PTCH1: variants seen among roughly 807,000 people sequenced by gnomAD.
PTCH1 encodes patched 1, also known as protein patched homolog 1.
Under a neutral mutation model 144.6 loss-of-function variants are expected in PTCH1, and 14 were observed. The observed-to-expected ratio is 0.10, with a 90% CI of 0.06 to 0.15. The LOEUF is 0.15. Among genes scored for constraint, PTCH1 ranks in the 10% least tolerant of loss-of-function variants. The probability of loss-of-function intolerance (pLI) is 1.00; values close to 1 mark genes in which losing one functional copy is unlikely to be tolerated. For synonymous variants in PTCH1, 833 were observed against 793.6 expected, an observed-to-expected ratio of 1.05 and a Z score of -0.83; for missense variants, 1,623 against 1,948.3, an observed-to-expected ratio of 0.83 and a Z score of 3.14.
intron 23 of PTCH1, 55 bp downstream of exon 23, chr9:95,446,856 T>C (rs1837941835): frequency 1.2e-6 from 2 of 1,609,800 alleles, no homozygotes; most frequent in Non-Finnish European, 1.7e-6. Flanking sequence ...GAGAACCTTG[T>C]CCTCCTCTTT....
intron 2 of PTCH1, among the ~76,000 whole-genome samples, chr9:95,489,781 C>T (rs1157966880): frequency 2.0e-5 from 3 of 150,396 alleles, no homozygotes; most frequent in Non-Finnish European, 4.4e-5. Flanking sequence ...GCCATTTTTG[C>T]TGTGTGGTAG....
intron 7 of PTCH1, 24 bp from the exon 8 acceptor site, chr9:95,479,171 C>T (rs572788814): frequency 6.2e-7 from 1 of 1,614,048 alleles, no homozygotes; most frequent in East Asian, 2.2e-5. Flanking sequence ...CAAGGGAAGG[C>T]ACATCATCAG....
At chr9:95,465,116 A>G (rs1443243321) in intron 15 of PTCH1, among the ~76,000 whole-genome samples, 4 of 152,128 alleles carry the variant, frequency 2.6e-5, no homozygotes, top group Non-Finnish European at 5.9e-5. Flanking sequence ...GCTGATTTAC[A>G]TCTATAAAGG....
At chr9:95,507,493 T>G (rs1843777853) in intron 1 of PTCH1, 7 of 959,704 alleles carry the variant, frequency 7.3e-6, no homozygotes, top group Non-Finnish European at 7.4e-6. Context: ...ACCGCGAATT[T>G]AAGGTGGCAA....
At position 95,480,011 on chromosome 9, in the gene PTCH1, A is replaced by C. The variant is rs1841403085; in HGVS notation, c.1025T>G (p.Ile342Ser). Residue 342 changes from isoleucine (I) to serine (S), a missense_variant, in exon 7 of 24, where the codon ATT becomes AGT. Physicochemically the swap from Ile to Ser is moderately radical, Grantham distance 142 (BLOSUM62 -2). This residue lies in a region of PTCH1 where 230 missense variants were observed against 271.0 expected (regional missense o/e 0.85). Transcript: ENST00000331920. ...GCTGTTCTTGACTGTGCCACCCACA[A>C]TCAACTCCTCCTGCCAGTGCATATA... ...RKYMHWQEELIVGGTVKNSTG... is the reference protein window; with the variant it reads ...RKYMHWQEELSVGGTVKNSTG... 1 of 1,614,084 alleles carries C rather than the reference A, an allele frequency of 6.2e-7. No homozygotes were observed.
rs1197672209 is a variant in PTCH1, at chr9:95,508,556, C to CGCTGCG, written c.-201_-196dup. 8 of 1,005,376 alleles carry CGCTGCG rather than the reference C, an allele frequency of 8.0e-6. No individual in the cohort carries two copies. Among genetic ancestry groups the CGCTGCG allele is most frequent in the Non-Finnish European group, 9.5e-6 (8 of 843,260 alleles). 62.3% of individuals were successfully genotyped at this position (1,005,376 alleles called of 1,614,324 possible). On this transcript the variant is annotated 5_prime_UTR_variant, in exon 1 of 24. Coordinates refer to ENST00000331920, the MANE Select transcript of PTCH1 (RefSeq NM_000264.5). ...CTGCTCACACGGCGGGCGCTGCTGC[C>CGCTGCG]GCTGCGGCCGCGGCCGCTGCCGGGG...
chr9:95,447,935 T>C (rs1838111417), intron 22 of PTCH1, among the ~76,000 whole-genome samples: 1 of 152,166 alleles, frequency 6.6e-6, no homozygotes, highest in Admixed American at 6.5e-5. Context: ...AAATCCAAAA[T>C]CCAGCTCCTC....
rs864622483 is a variant in PTCH1 at position 95,447,339 on chromosome 9, G to T, written c.3917C>A (p.Pro1306His). 1.9e-6 allele frequency: 3 copies of T among 1,613,370 alleles called. No individual in the cohort carries two copies. The highest frequency in any genetic ancestry group is 2.5e-6 in the Non-Finnish European group (3 of 1,179,984). Residue 1306 changes from proline to histidine, a missense_variant, in exon 23 of 24, where the codon CCC becomes CAC. Pro to His is a moderately conservative substitution (Grantham distance 77, BLOSUM62 -2). This residue lies in a region of PTCH1 where 291 missense variants were observed against 287.4 expected (regional missense o/e 1.01). Transcript: ENST00000331920. ...GGGTGGCCACAAGCCTTCTCTGGGG[G>T]GGTCCCTGCGGGGCTGCTGGCCTTG... ...GRQGQQPRRD[P>H]PREGLWPPPY...
rs750057721 is a variant in PTCH1 at position 95,447,227 on chromosome 9, C to T, written c.4029G>A (p.Gly1343=). The change falls in exon 23 of 24, where the codon GGG becomes GGA. Residue 1343 remains glycine (G), a synonymous_variant. Coordinates refer to ENST00000331920, the MANE Select transcript of PTCH1 (RefSeq NM_000264.5). ...GGTTCCGAGGGTTGTGAGAACGGGC[C>T]CCGCGAGGGCCCCAGCGGGCCCTAT... ...PSNRARWGPR[G]ARSHNPRNPA... 40 of 1,611,566 alleles carry T rather than the reference C, an allele frequency of 2.5e-5. No individual in the cohort carries two copies. The South Asian group carries it at 4.1e-4, about 16-fold the overall frequency.
chr9:95,510,002 T>TAAAA (rs71498965), upstream of PTCH1, among the ~76,000 whole-genome samples: 1 of 138,636 alleles, frequency 7.2e-6, no homozygotes. Context: ...CCCCCCAACT[T>TAAAA]AAAAAAAAAA....
chr9:95,506,918 C>T, intron 1 of PTCH1: 2 of 1,083,200 alleles, frequency 1.8e-6, no homozygotes, highest in Non-Finnish European at 2.2e-6. Context: ...AGAAACCACT[C>T]GACACAGACA....
chr9:95,512,348 C>T (rs1162524847), upstream of PTCH1, among the ~76,000 whole-genome samples: 1 of 152,294 alleles, frequency 6.6e-6, no homozygotes, highest in African/African-American at 2.4e-5. Context: ...TCCGGAGCCT[C>T]GGCTCTAACG....
intron 2 of PTCH1, among the ~76,000 whole-genome samples, chr9:95,503,734 G>GATAATAATAGCTATTTTATTGAATCGTAA (rs1564083648): frequency 3.3e-5 from 2 of 60,034 alleles, no homozygotes; most frequent in African/African-American, 2.5e-4. Context: ...AAACAAAATA[G>GATAATAATAGCTATTTTATTGAATCGTAA]GGCCGGGCGC....
At chr9:95,446,452 T>C (rs956444775) in intron 23 of PTCH1, 61 bp from the exon 24 acceptor site, 2 of 515,706 alleles carry the variant, frequency 3.9e-6, no homozygotes, top group African/African-American at 3.8e-5. Flanking sequence ...TCCGTATTTA[T>C]AAAGTACAAA....
intron 7 of PTCH1, 108 bp from the exon 8 acceptor site, chr9:95,479,255 CCTT>C: frequency 7.1e-7 from 1 of 1,406,434 alleles, no homozygotes; most frequent in African/African-American, 1.4e-5. Context: ...CAATTCTTTT[CCTT>C]CTCTGTGAGC....
Position 95,449,124 on chromosome 9 carries a change from G to A in PTCH1, c.3749C>T (p.Pro1250Leu), listed in dbSNP as rs1838211042. 1.2e-6 allele frequency: 2 copies of A among 1,614,202 alleles called. No individual in the cohort carries two copies. The highest frequency in any genetic ancestry group is 8.5e-7 in the Non-Finnish European group (1 of 1,180,034). The change falls in exon 22 of 24, where the codon CCT (proline) becomes CTT (leucine). Residue 1250 changes from proline (P) to leucine (L), a missense_variant. By Grantham distance (98) the Pro-to-Leu change is moderately conservative (BLOSUM62 -3). Transcript: ENST00000331920. The surrounding 1 kb of genome is among the most constrained non-coding windows in gnomAD (Gnocchi z 5.3). ...GGCTTCCACGATCACTTGGTGGGCA[G>A]GGCCTCCCGCGCCCTGCTGGGCCTC... ...HYEAQQGAGG[P>L]AHQVIVEATE...
upstream of PTCH1, among the ~76,000 whole-genome samples, chr9:95,511,270 C>G (rs2118936221): frequency 6.6e-6 from 1 of 151,988 alleles, no homozygotes; most frequent in Non-Finnish European, 1.5e-5. Flanking sequence ...CCGCTTCCTT[C>G]CTTCGGCCTG....
upstream of PTCH1, among the ~76,000 whole-genome samples, chr9:95,510,619 A>AT (rs958635030): frequency 8.9e-5 from 13 of 146,212 alleles, no homozygotes; most frequent in Admixed American, 3.4e-4. Context: ...GCTTCACTTT[A>AT]TTTTTTTTTT....
intron 2 of PTCH1, among the ~76,000 whole-genome samples, chr9:95,493,045 C>T (rs1842536302): frequency 6.6e-6 from 1 of 152,184 alleles, no homozygotes; most frequent in Non-Finnish European, 1.5e-5. Flanking sequence ...AGTTTTTGAT[C>T]AAGCTCTGCT....
Sources: allele counts gnomAD v4.1 joint callset (sites outside exome capture counted in the v4.1 genomes callset), GRCh38; gene constraint gnomAD v4.1.1; regional missense constraint gnomAD v4.1.1; non-coding constraint Gnocchi (gnomAD v3.1); transcripts MANE v1.5; gene names NCBI Gene and HGNC (gene_info 2026-07-23, HGNC 2026-07-21).